The following KANK4 variants were observed in gnomAD, a reference collection of about 807,000 sequenced individuals.
KANK4 encodes the protein KN motif and ankyrin repeat domain-containing protein 4.
In KANK4, 50 loss-of-function variants were observed where a neutral mutation model predicts 80.8. The observed-to-expected ratio is 0.62, with a 90% CI of 0.49 to 0.78. The LOEUF is 0.78. Ranked by LOEUF, KANK4 falls within the 30% of genes least tolerant of loss-of-function variation. The pLI is 0.00. For synonymous variants in KANK4, 465 were observed against 506.9 expected (o/e 0.92, Z 1.11); for missense variants, 1,196 against 1,240.1 (o/e 0.96, Z 0.53).
chr1:62,243,859 C>T (rs1671403717), intron 9 of KANK4, among the ~76,000 whole-genome samples: 1 of 152,170 alleles, frequency 6.6e-6, no homozygotes, highest in Non-Finnish European at 1.5e-5. Flanking sequence ...GGGTCAGTCG[C>T]CCTACTCTGA....
At chr1:62,318,082 A>G (rs968122807) in intron 1 of KANK4, among the ~76,000 whole-genome samples, 1 of 152,044 alleles carries the variant, frequency 6.6e-6, no homozygotes, top group Non-Finnish European at 1.5e-5. Context: ...GGCTTGATTT[A>G]CCCAAGCAGG....
intron 9 of KANK4, among the ~76,000 whole-genome samples, chr1:62,245,749 G>C (rs1019231573): frequency 6.6e-6 from 1 of 152,134 alleles, no homozygotes; most frequent in Non-Finnish European, 1.5e-5. Flanking sequence ...TAATGCATGG[G>C]AAAGGTTTAG....
At chr1:62,299,715 G>A (rs1644396231) in intron 1 of KANK4, among the ~76,000 whole-genome samples, 1 of 150,754 alleles carries the variant, frequency 6.6e-6, no homozygotes, top group African/African-American at 2.4e-5. Context: ...AGATGTAGCA[G>A]CTGAATTAAT....
At chr1:62,258,557 A>G (rs1039255495) in intron 7 of KANK4, among the ~76,000 whole-genome samples, 1 of 152,210 alleles carries the variant, frequency 6.6e-6, no homozygotes, top group South Asian at 2.1e-4. Context: ...AAAGCTGCTT[A>G]GCAGAATTTT....
At chr1:62,311,826 C>A (rs1361943867) in intron 1 of KANK4, among the ~76,000 whole-genome samples, 1 of 152,242 alleles carries the variant, frequency 6.6e-6, no homozygotes, top group South Asian at 2.1e-4. Flanking sequence ...AGTCTTCTAC[C>A]CAAACCACAA....
At position 62,273,810 on chromosome 1, in the gene KANK4, T is replaced by C. The variant is rs1213177957; in HGVS notation, c.1294A>G (p.Ile432Val). Residue 432 changes from isoleucine to valine, a missense_variant, in exon 3 of 10, where the codon ATT (isoleucine) becomes GTT (valine). Ile to Val is a conservative substitution (Grantham distance 29). This residue lies in a region of KANK4 where 1,154 missense variants were observed against 1,179.6 expected (regional missense o/e 0.98). Transcript: ENST00000371153. ...ATGCTGCCTAGAAGGTTGACTTCAATGCCCTTATCACACGACTCCCTGGTC... is the reference window on the plus strand; with the variant it reads ...ATGCTGCCTAGAAGGTTGACTTCAACGCCCTTATCACACGACTCCCTGGTC... ...LLTRESCDKGIEVNLLGSMES... is the reference protein window; with the variant it reads ...LLTRESCDKGVEVNLLGSMES... The C allele has an allele frequency of 8.7e-6, 14 of 1,614,166 alleles. No individual in the cohort carries two copies. The highest frequency in any genetic ancestry group is 1.2e-5 in the Non-Finnish European group (14 of 1,180,030).
intron 1 of KANK4, among the ~76,000 whole-genome samples, chr1:62,287,643 T>TG (rs1672598534): frequency 6.6e-6 from 1 of 152,126 alleles, no homozygotes; most frequent in Admixed American, 6.5e-5. Context: ...ACAGTCTAAG[T>TG]GGTTTCTCTT....
intron 1 of KANK4, among the ~76,000 whole-genome samples, chr1:62,317,719 G>A (rs913404362): frequency 6.6e-6 from 1 of 152,212 alleles, no homozygotes; most frequent in Non-Finnish European, 1.5e-5. Flanking sequence ...CAGGTTTTCA[G>A]GGTATCTAGT....
rs1671211250 is a variant in KANK4, at chr1:62,236,797, T to C, written c.*1480A>G. Among the ~76,000 whole-genome samples the C allele has an allele frequency of 6.6e-6, 1 of 151,966 alleles. No homozygotes were observed. Among genetic ancestry groups the C allele is most frequent in the Admixed American group, 6.6e-5 (1 of 15,224 alleles). On this transcript the variant is annotated 3_prime_UTR_variant, in exon 10 of 10. Coordinates refer to ENST00000371153, the MANE Select transcript of KANK4 (RefSeq NM_181712.5). ...TTTTGGTAGAGACGGGGTTTCTCCA[T>C]GTATGTCAGGCTGGTCTCAAACTCC...
chr1:62,272,889 C>G (rs144071791), intron 3 of KANK4: 403 of 195,128 alleles, frequency 2.1e-3, no homozygotes, highest in African/African-American at 8.9e-3. Context: ...CTCCTGGGTT[C>G]AAGTGATTCT....
At chr1:62,243,194 A>C (rs1203391838) in intron 9 of KANK4, among the ~76,000 whole-genome samples, 2 of 151,120 alleles carry the variant, frequency 1.3e-5, no homozygotes, top group African/African-American at 2.4e-5. Flanking sequence ...GCCTACCCGA[A>C]CTCCAGCCTG....
intron 1 of KANK4, among the ~76,000 whole-genome samples, chr1:62,284,864 A>C (rs1439156321): frequency 6.6e-6 from 1 of 152,122 alleles, no homozygotes; most frequent in African/African-American, 2.4e-5. Context: ...GAATTATTGC[A>C]AGTCTTATTC....
At chr1:62,252,849 C>T (rs1671655239) in intron 8 of KANK4, among the ~76,000 whole-genome samples, 2 of 152,226 alleles carry the variant, frequency 1.3e-5, no homozygotes, top group South Asian at 4.1e-4. Flanking sequence ...ATTAGAAGCT[C>T]ACTGACCTCT....
intron 4 of KANK4, among the ~76,000 whole-genome samples, chr1:62,270,644 A>C (rs1191325898): frequency 1.3e-5 from 2 of 151,986 alleles, no homozygotes; most frequent in Admixed American, 1.3e-4. Context: ...TGAGCCTCCC[A>C]AAGCGCTGGG....
At chr1:62,265,157 A>G (rs1224800400) in intron 6 of KANK4, among the ~76,000 whole-genome samples, 1 of 151,978 alleles carries the variant, frequency 6.6e-6, no homozygotes, top group Non-Finnish European at 1.5e-5. Flanking sequence ...ATGAAGAGCT[A>G]AGAAAGACCT....
chr1:62,268,500 T>C lies in KANK4; in HGVS notation c.2018A>G (p.Glu673Gly), dbSNP rs202231966. ...LQFVGVNGGY[E>G]TTSSEETSGE... ...GCTGGTCTCCTCACTTGAGGTGGTC[T>C]CATACCTGGGGTAGAAAACAAAGGT... The change falls in exon 5 of 10, where the codon GAG becomes GGG. Residue 673 changes from glutamate to glycine, a missense_variant. Physicochemically the swap from Glu to Gly is moderately conservative, Grantham distance 98 (BLOSUM62 -2). This residue lies in a region of KANK4 where 1,154 missense variants were observed against 1,179.6 expected (regional missense o/e 0.98). Transcript: ENST00000371153. 4.5e-5 allele frequency: 72 copies of C among 1,613,236 alleles called. No individual in the cohort carries two copies. Among genetic ancestry groups the C allele is most frequent in the Admixed American group, 3.3e-4 (20 of 60,018 alleles).
intron 1 of KANK4, among the ~76,000 whole-genome samples, chr1:62,304,736 A>G (rs1326128331): frequency 6.6e-6 from 1 of 151,854 alleles, no homozygotes; most frequent in East Asian, 1.9e-4. Flanking sequence ...CTCCCCTTTC[A>G]GGAGATTCCT....
chr1:62,251,416 T>G (rs1368889345), intron 8 of KANK4, among the ~76,000 whole-genome samples: 1 of 152,172 alleles, frequency 6.6e-6, no homozygotes, highest in Non-Finnish European at 1.5e-5. Context: ...AACAGTTACC[T>G]TATCATCTAT....
At chr1:62,248,222 T>C (rs2149119361) in intron 8 of KANK4, among the ~76,000 whole-genome samples, 1 of 152,340 alleles carries the variant, frequency 6.6e-6, no homozygotes, top group South Asian at 2.1e-4. Flanking sequence ...TGGTCATTTC[T>C]AATCTATAGA....
Sources: allele counts gnomAD v4.1 joint callset (sites outside exome capture counted in the v4.1 genomes callset), GRCh38; gene constraint gnomAD v4.1.1; regional missense constraint gnomAD v4.1.1; transcripts MANE v1.5; gene names NCBI Gene and HGNC (gene_info 2026-07-23, HGNC 2026-07-21).